The following ACO1 variants were observed in gnomAD, a reference collection of about 807,000 sequenced individuals.
ACO1 encodes the protein aconitase 1, also known as cytoplasmic aconitate hydratase.
In ACO1, 78 loss-of-function variants were observed where a neutral mutation model predicts 105.1. The observed-to-expected ratio is 0.74, with a 90% CI of 0.62 to 0.90. ACO1 has a LOEUF of 0.90. Among genes scored for constraint, ACO1 ranks in the 40% least tolerant of loss-of-function variants. ACO1 has a pLI of 0.00. For missense variants in ACO1, 965 were observed against 1,111.1 expected (o/e 0.87, Z 1.87); for synonymous variants, 364 against 397.4 (o/e 0.92, Z 1.00).
intron 4 of ACO1, among the ~76,000 whole-genome samples, chr9:32,411,112 C>G (rs924920822): frequency 1.3e-5 from 2 of 152,104 alleles, no homozygotes; most frequent in African/African-American, 4.8e-5. Flanking sequence ...TTGATCAAAG[C>G]AAATCACATG....
rs1822756779 is a variant in ACO1, at chr9:32,451,029, C to CAGACAAGAAGGAAGAGTA, written c.*919_*936dup. 6.8e-6 allele frequency: 1 copy of CAGACAAGAAGGAAGAGTA among 147,620 alleles called. No homozygotes were observed. 9.1% of individuals were successfully genotyped at this position (147,620 alleles called of 1,614,324 possible). ...ATGCTCGCTCTTCCCTGTTTGGGAG[C>CAGACAAGAAGGAAGAGTA]AGACAAGAAGGAAGAGTAGCCTGGT... is the stretch of plus-strand genomic sequence containing the variant. On this transcript the variant is annotated 3_prime_UTR_variant, in exon 21 of 21. Transcript: ENST00000309951.
At chr9:32,414,321 G>A (rs576637604) in intron 4 of ACO1, among the ~76,000 whole-genome samples, 45 of 152,196 alleles carry the variant, frequency 3.0e-4, no homozygotes, top group East Asian at 9.7e-4. Flanking sequence ...TCTTTAGTCC[G>A]TGAGGCCATT....
At chr9:32,404,174 C>T (rs1323873202) in intron 1 of ACO1, among the ~76,000 whole-genome samples, 1 of 152,144 alleles carries the variant, frequency 6.6e-6, no homozygotes, top group Non-Finnish European at 1.5e-5. Context: ...ACTCTCACCT[C>T]AAAAACTAAA....
At chr9:32,444,207 A>C (rs1379751226) in intron 19 of ACO1, among the ~76,000 whole-genome samples, 1 of 152,152 alleles carries the variant, frequency 6.6e-6, no homozygotes, top group Non-Finnish European at 1.5e-5. Flanking sequence ...CGTTTTCTTA[A>C]TCCAGTCTAT....
At chr9:32,435,581 G>T (rs1322132105) in intron 17 of ACO1, among the ~76,000 whole-genome samples, 1 of 152,128 alleles carries the variant, frequency 6.6e-6, no homozygotes. Flanking sequence ...CAGTGAACTG[G>T]TCACGGTGTT....
At chr9:32,388,266 C>T (rs1469859533) in intron 1 of ACO1, among the ~76,000 whole-genome samples, 1 of 152,164 alleles carries the variant, frequency 6.6e-6, no homozygotes, top group Admixed American at 6.5e-5. Flanking sequence ...GCCCAGGCAC[C>T]GTGGCTTACG....
intron 1 of ACO1, among the ~76,000 whole-genome samples, chr9:32,403,823 C>A (rs1231204194): frequency 6.6e-6 from 1 of 151,942 alleles, no homozygotes; most frequent in African/African-American, 2.4e-5. Flanking sequence ...AGACTCTGGC[C>A]TCTGTTGAGA....
At chr9:32,436,517 A>T in intron 18 of ACO1, 120 bp downstream of exon 18, 1 of 1,128,110 alleles carries the variant, frequency 8.9e-7, no homozygotes, top group South Asian at 1.4e-5. Flanking sequence ...TCCTACCCTA[A>T]CTACAGTCCT....
chr9:32,385,204 C>T (rs1821132929), intron 1 of ACO1, among the ~76,000 whole-genome samples: 2 of 152,178 alleles, frequency 1.3e-5, no homozygotes, highest in Non-Finnish European at 2.9e-5. Context: ...AGAGACCCTT[C>T]GTGGGAGGCT....
chr9:32,429,981 C>T (rs1300728991), intron 13 of ACO1, among the ~76,000 whole-genome samples: 6 of 152,244 alleles, frequency 3.9e-5, no homozygotes, highest in Non-Finnish European at 8.8e-5. Context: ...ACAAACGAAT[C>T]TAAACTAAAT....
chr9:32,388,577 C>A (rs1243835242), intron 1 of ACO1, among the ~76,000 whole-genome samples: 2 of 151,922 alleles, frequency 1.3e-5, no homozygotes, highest in Admixed American at 6.6e-5. Flanking sequence ...TTGTAGAGTA[C>A]ACTGTGTGTG....
At chr9:32,412,528 A>G (rs752036669) in intron 4 of ACO1, among the ~76,000 whole-genome samples, 9 of 152,220 alleles carry the variant, frequency 5.9e-5, no homozygotes, top group Middle Eastern at 3.2e-3. Context: ...ATCTTTCTCC[A>G]GTTAATATTG....
Position 32,453,589 on chromosome 9 carries a change from G to A in ACO1, c.*3478G>A, listed in dbSNP as rs140521008. The A allele has an allele frequency of 6.6e-6, 1 of 152,270 alleles. No homozygotes were observed. Among genetic ancestry groups the A allele is most frequent in the Non-Finnish European group, 1.5e-5 (1 of 68,018 alleles). The allele number at this position is 152,270 out of a possible 1,614,324, so 9.4% of individuals were successfully genotyped here. On this transcript the variant is annotated 3_prime_UTR_variant, in exon 21 of 21. Coordinates refer to ENST00000309951, the MANE Select transcript of ACO1 (RefSeq NM_002197.3). ...GTTCTGGGGAAACCATTAGTAATTT[G>A]TGATCGTAGAGATTTGTCTCCCAGT...
At chr9:32,389,638 A>G (rs1459884295) in intron 1 of ACO1, among the ~76,000 whole-genome samples, 1 of 148,890 alleles carries the variant, frequency 6.7e-6, no homozygotes, top group African/African-American at 2.5e-5. Context: ...CCATCAGCTG[A>G]CCGTCTCCCT....
chr9:32,390,930 G>A (rs1423752492), intron 1 of ACO1, among the ~76,000 whole-genome samples: 1 of 152,074 alleles, frequency 6.6e-6, no homozygotes, highest in East Asian at 1.9e-4. Context: ...CGAAAGACCT[G>A]AAAAAATACA....
intron 15 of ACO1, among the ~76,000 whole-genome samples, chr9:32,433,041 C>T (rs1822273729): frequency 6.6e-6 from 1 of 152,162 alleles, no homozygotes; most frequent in African/African-American, 2.4e-5. Flanking sequence ...CTTCATGACT[C>T]ACACATGGTA....
chr9:32,447,542 A>T (rs1160579798), intron 19 of ACO1, among the ~76,000 whole-genome samples: 1 of 152,090 alleles, frequency 6.6e-6, no homozygotes, highest in Non-Finnish European at 1.5e-5. Flanking sequence ...GTTTATTACC[A>T]CCCACCTTCT....
At chr9:32,392,567 C>T (rs1821288061) in intron 1 of ACO1, among the ~76,000 whole-genome samples, 1 of 152,198 alleles carries the variant, frequency 6.6e-6, no homozygotes, top group Non-Finnish European at 1.5e-5. Context: ...CATATATGCC[C>T]CTGCCCGCAG....
At chr9:32,437,970 A>G (rs1563946337) in intron 18 of ACO1, among the ~76,000 whole-genome samples, 1 of 151,888 alleles carries the variant, frequency 6.6e-6, no homozygotes, top group Non-Finnish European at 1.5e-5. Flanking sequence ...AAGAGAGGAA[A>G]TTATTTCAAA....
Sources: allele counts gnomAD v4.1 joint callset (sites outside exome capture counted in the v4.1 genomes callset), GRCh38; gene constraint gnomAD v4.1.1; transcripts MANE v1.5; gene names NCBI Gene and HGNC (gene_info 2026-07-23, HGNC 2026-07-21).